The following XIRP2 variants were observed in gnomAD, a reference collection of about 807,000 sequenced individuals.
XIRP2 encodes xin actin binding repeat containing 2.
Under a neutral mutation model 277.0 loss-of-function variants are expected in XIRP2, and 236 were observed. The observed-to-expected ratio is 0.85, with a 90% confidence interval of 0.77 to 0.95. XIRP2 has a LOEUF of 0.95. XIRP2 is among the 40% of genes least tolerant of loss of function. XIRP2 has a pLI of 0.00. For missense variants in XIRP2, 4,640 were observed against 4,157.5 expected (o/e 1.12, Z -3.19); for synonymous variants, 1,490 against 1,416.5 (o/e 1.05, Z -1.17).
intron 2 of XIRP2, among the ~76,000 whole-genome samples, chr2:167,025,800 T>C (rs1688135377): frequency 6.6e-6 from 1 of 152,156 alleles, no homozygotes; most frequent in South Asian, 2.1e-4. Context: ...TCTAGTTTGC[T>C]TGCACTGTGG....
At chr2:167,214,476 C>CAAAAAAAA (rs569699283) in intron 4 of XIRP2, among the ~76,000 whole-genome samples, 1 of 84,650 alleles carries the variant, frequency 1.2e-5, no homozygotes, top group Non-Finnish European at 2.7e-5. Context: ...GACTCCATCT[C>CAAAAAAAA]AAAAAAAAAA....
rs1239666172 is a variant in XIRP2 at position 167,134,355 on chromosome 2, G to GTA, written c.409-1544_409-1543dup. 3.3e-5 allele frequency among the ~76,000 whole-genome samples: 5 copies of GTA among 151,234 alleles called. No individual in the cohort carries two copies. The East Asian group carries it at 7.7e-4, about 23-fold the overall frequency. On this transcript the variant is annotated intron_variant, in intron 2 of 10. Transcript: ENST00000409195. ...TACTTGTTATGTACATGTGATGTAT[G>GTA]TATATATATATTTACATGTGTGTAT...
At chr2:166,960,144 G>A (rs1378350225) in intron 2 of XIRP2, among the ~76,000 whole-genome samples, 3 of 151,528 alleles carry the variant, frequency 2.0e-5, no homozygotes, top group Non-Finnish European at 3.0e-5. Flanking sequence ...GAACACACTG[G>A]GCTAAAACTG....
rs189202477 is a variant in XIRP2, at chr2:166,981,366, T to C, written c.408+77476T>C. ...ATCTACCTGTCTTCACATGGTGTAT[T>C]TCCTCTGAGTGCCTGTCTCCTCTAT... On this transcript the variant is annotated intron_variant, in intron 2 of 10. Coordinates refer to ENST00000409195, the MANE Select transcript of XIRP2 (RefSeq NM_152381.6). Among the ~76,000 whole-genome samples the C allele has an allele frequency of 2.2e-3, 340 of 152,240 alleles. 3 individuals are homozygous for C. The highest frequency in any genetic ancestry group is 7.9e-3 in the African/African-American group (329 of 41,572).
At chr2:167,015,459 T>A (rs180714875) in intron 2 of XIRP2, among the ~76,000 whole-genome samples, 1 of 149,436 alleles carries the variant, frequency 6.7e-6, no homozygotes, top group African/African-American at 2.4e-5. Context: ...TCTATCTATC[T>A]ATCATATTAA....
chr2:166,986,673 A>C (rs1687014254), intron 2 of XIRP2, among the ~76,000 whole-genome samples: 1 of 152,246 alleles, frequency 6.6e-6, no homozygotes, highest in Admixed American at 6.5e-5. Flanking sequence ...GAAATACTGA[A>C]TGTGAATGTA....
In XIRP2 at chr2:167,249,744, G is replaced by T. The variant is rs779218463; in HGVS notation, c.8352G>T (p.Leu2784Phe). ...PKKEKRVTVQLPTESIQKNQE... is the reference protein window; with the variant it reads ...PKKEKRVTVQFPTESIQKNQE... ...AGGAGAAAAGAGTGACAGTACAATT[G>T]CCTACAGAATCCATACAGAAGAACC... Residue 2784 changes from leucine (L) to phenylalanine (F), a missense_variant, in exon 9 of 11, where the codon TTG becomes TTT. Coordinates refer to ENST00000409195, the MANE Select transcript of XIRP2 (RefSeq NM_152381.6). 3 of 1,613,282 alleles carry T rather than the reference G, an allele frequency of 1.9e-6. No individual in the cohort carries two copies. The highest frequency in any genetic ancestry group is 2.5e-6 in the Non-Finnish European group (3 of 1,179,740).
intron 3 of XIRP2, among the ~76,000 whole-genome samples, chr2:167,156,022 T>C (rs1367854714): frequency 1.7e-4 from 25 of 150,414 alleles, no homozygotes; most frequent in African/African-American, 5.7e-4. Flanking sequence ...ATAAAATACC[T>C]AGGAATCCAA....
chr2:166,933,641 TTG>T (rs781633729), intron 2 of XIRP2, among the ~76,000 whole-genome samples: 3 of 150,586 alleles, frequency 2.0e-5, no homozygotes, highest in Non-Finnish European at 3.0e-5. Context: ...AGGTGCATGT[TTG>T]TGTGTGTGTG....
chr2:167,219,628 G>A (rs1053116529), intron 5 of XIRP2, among the ~76,000 whole-genome samples: 2 of 152,118 alleles, frequency 1.3e-5, no homozygotes, highest in African/African-American at 4.8e-5. Flanking sequence ...CAGGCACTTT[G>A]TTTAACACTC....
intron 2 of XIRP2, among the ~76,000 whole-genome samples, chr2:167,067,632 T>C (rs1413471278): frequency 6.6e-6 from 1 of 151,032 alleles, no homozygotes; most frequent in Non-Finnish European, 1.5e-5. Context: ...TTTAAGAGTA[T>C]CTATTGCTAA....
chr2:167,189,241 CTCTT>C (rs1314455955), intron 3 of XIRP2, among the ~76,000 whole-genome samples: 2 of 152,156 alleles, frequency 1.3e-5, no homozygotes, highest in Non-Finnish European at 2.9e-5. Context: ...TTCTGTCTCT[CTCTT>C]TCTCTCTCTT....
rs753812847 is a variant in XIRP2, at chr2:167,218,211, A to C, written c.769A>C (p.Lys257Gln). ...EMCAVPGGLA[K>Q]VKKQFEDEIT... ...GTGCGCAGTGCCTGGTGGTTTGGCC[A>C]AGGTGAAGAAACAATTTGAGGACGA... Residue 257 changes from lysine to glutamine, a missense_variant, in exon 5 of 11, where the codon AAG becomes CAG. Lys to Gln is a moderately conservative substitution (Grantham distance 53). Transcript: ENST00000409195. 89 of 1,607,598 alleles carry C rather than the reference A, an allele frequency of 5.5e-5. 2 individuals carry two copies. Among genetic ancestry groups the C allele is most frequent in the Non-Finnish European group, 7.1e-5 (84 of 1,177,420 alleles).
intron 2 of XIRP2, among the ~76,000 whole-genome samples, chr2:167,005,699 T>C (rs1482500384): frequency 2.0e-5 from 3 of 151,622 alleles, no homozygotes; most frequent in Non-Finnish European, 4.4e-5. Context: ...AGCAGGATGA[T>C]CTTAAATTAT....
At chr2:166,910,968 G>T (rs1456647879) in intron 2 of XIRP2, among the ~76,000 whole-genome samples, 1 of 152,182 alleles carries the variant, frequency 6.6e-6, no homozygotes, top group Non-Finnish European at 1.5e-5. Context: ...TTGCACTGTG[G>T]TCTGAGAGAC....
At position 166,996,873 on chromosome 2, in the gene XIRP2, G is replaced by A. The variant is rs549114134; in HGVS notation, c.408+92983G>A. Among the ~76,000 whole-genome samples, 10 of 152,088 alleles carry A rather than the reference G, an allele frequency of 6.6e-5. No individual in the cohort carries two copies. In the East Asian group the frequency reaches 9.7e-4, roughly 15 times the overall value. ...TCTGTCCAGATCCCACCTCTGTTTC[G>A]AAATTAACCTAACCTGCTCTCATTC... On this transcript the variant is annotated intron_variant, in intron 2 of 10. Coordinates refer to ENST00000409195, the MANE Select transcript of XIRP2 (RefSeq NM_152381.6).
At chr2:167,135,219 T>G (rs989668849) in intron 2 of XIRP2, among the ~76,000 whole-genome samples, 2 of 152,176 alleles carry the variant, frequency 1.3e-5, no homozygotes, top group African/African-American at 4.8e-5. Flanking sequence ...TTGGCTGGTT[T>G]GTTTTATTTG....
chr2:167,128,488 A>C (rs1376425713), intron 2 of XIRP2, among the ~76,000 whole-genome samples: 1 of 152,152 alleles, frequency 6.6e-6, no homozygotes, highest in Non-Finnish European at 1.5e-5. Flanking sequence ...AGCTGACTTC[A>C]TATCTACACA....
intron 2 of XIRP2, among the ~76,000 whole-genome samples, chr2:166,960,558 AG>A (rs1686274515): frequency 6.6e-6 from 1 of 151,730 alleles, no homozygotes; most frequent in South Asian, 2.1e-4. Context: ...CACTCTTGAA[AG>A]GACAAATTTT....
Sources: gnomAD v4.1 joint callset for allele counts (sites outside exome capture counted in the v4.1 genomes callset) on GRCh38, gnomAD v4.1.1 for gene constraint, MANE v1.5 for transcripts, NCBI Gene and HGNC (gene_info 2026-07-23, HGNC 2026-07-21) for gene names.